SENP7: variants seen among roughly 807,000 people sequenced by gnomAD.
SENP7 encodes sentrin-specific protease 7.
A neutral mutation model predicts 141.2 loss-of-function variants in SENP7; 64 were observed. The ratio of observed to expected loss-of-function variants is 0.45; its 90% confidence interval spans 0.37 to 0.56. The LOEUF is 0.56. SENP7 is among the 20% of genes least tolerant of loss of function. SENP7 has a pLI of 0.00. For synonymous variants in SENP7, 382 were observed against 426.4 expected, an observed-to-expected ratio of 0.90 and a Z score of 1.28; for missense variants, 1,025 against 1,212.2, an observed-to-expected ratio of 0.85 and a Z score of 2.29.
At chr3:101,413,273 T>G (rs998572160) in intron 5 of SENP7, among the ~76,000 whole-genome samples, 3 of 152,148 alleles carry the variant, frequency 2.0e-5, no homozygotes, top group African/African-American at 7.2e-5. Context: ...GAAAAAAGCC[T>G]AAGTCTCCTA....
At chr3:101,354,802 A>G (rs1253223224) in intron 11 of SENP7, among the ~76,000 whole-genome samples, 1 of 152,136 alleles carries the variant, frequency 6.6e-6, no homozygotes, top group Non-Finnish European at 1.5e-5. Flanking sequence ...TAGCTCTTTG[A>G]GGGATCGCCA....
chr3:101,463,947 C>T (rs758508729), intron 3 of SENP7, among the ~76,000 whole-genome samples: 1 of 152,120 alleles, frequency 6.6e-6, no homozygotes, highest in African/African-American at 2.4e-5. Flanking sequence ...GCCTCAGCCT[C>T]CCAAGTAGTT....
At chr3:101,377,514 T>C (rs1192739577) in intron 6 of SENP7, among the ~76,000 whole-genome samples, 1 of 152,180 alleles carries the variant, frequency 6.6e-6, no homozygotes, top group Non-Finnish European at 1.5e-5. Context: ...TTTGTGAGTT[T>C]TATCTCCAGG....
At chr3:101,361,994 G>A (rs1051277246) in intron 10 of SENP7, 133 bp from the exon 11 acceptor site, 10 of 953,732 alleles carry the variant, frequency 1.0e-5, no homozygotes, top group Non-Finnish European at 4.3e-6. Context: ...TGTTCTTACT[G>A]TGAAGAAATA....
At chr3:101,451,366 T>A (rs1177587472) in intron 4 of SENP7, among the ~76,000 whole-genome samples, 1 of 152,216 alleles carries the variant, frequency 6.6e-6, no homozygotes, top group Non-Finnish European at 1.5e-5. Flanking sequence ...ACTCATTTTA[T>A]GAGGCCAGCA....
At chr3:101,376,324 G>A (rs2060327799) in intron 6 of SENP7, among the ~76,000 whole-genome samples, 1 of 152,062 alleles carries the variant, frequency 6.6e-6, no homozygotes, top group Non-Finnish European at 1.5e-5. Context: ...GCAGTGAACT[G>A]TACACTTAAA....
At chr3:101,387,003 T>G (rs1220272131) in intron 6 of SENP7, among the ~76,000 whole-genome samples, 1 of 152,154 alleles carries the variant, frequency 6.6e-6, no homozygotes, top group Non-Finnish European at 1.5e-5. Context: ...TGGGAATCAA[T>G]GGACCCTAAC....
chr3:101,347,937 C>CAGAAGA lies in SENP7; in HGVS notation c.1766_1771dup (p.Phe589_Phe590dup). ...CTCTTGAAGATAATCTGAAGAGACC[C>CAGAAGA]AGAAGAAAAGAATAGCATGACTCCT... is the stretch of plus-strand genomic sequence containing the variant. On this transcript the variant is annotated inframe_insertion, in exon 13 of 24. Coordinates refer to ENST00000394095, the MANE Select transcript of SENP7 (RefSeq NM_020654.5). 1 of 1,609,660 alleles carries CAGAAGA rather than the reference C, an allele frequency of 6.2e-7. No homozygotes were observed. The highest frequency in any genetic ancestry group is 8.5e-7 in the Non-Finnish European group (1 of 1,177,076).
At chr3:101,423,947 G>A (rs2061867278) in intron 4 of SENP7, among the ~76,000 whole-genome samples, 1 of 152,188 alleles carries the variant, frequency 6.6e-6, no homozygotes, top group Non-Finnish European at 1.5e-5. Context: ...CAGCTGATGT[G>A]GAGCCCAGAA....
chr3:101,356,078 T>A (rs935392224), intron 11 of SENP7, among the ~76,000 whole-genome samples: 21 of 152,244 alleles, frequency 1.4e-4, no homozygotes, highest in Admixed American at 1.2e-3. Context: ...TACATAAAAG[T>A]ACAATTAGTA....
At chr3:101,466,170 T>C (rs1033652472) in intron 3 of SENP7, among the ~76,000 whole-genome samples, 1 of 150,432 alleles carries the variant, frequency 6.6e-6, no homozygotes, top group African/African-American at 2.4e-5. Flanking sequence ...ATTATGGGAG[T>C]TTCAGAAGAA....
Position 101,351,600 on chromosome 3 carries a change from A to T in SENP7, c.1657+18T>A. 1 of 1,343,940 alleles carries T rather than the reference A, an allele frequency of 7.4e-7. No individual in the cohort carries two copies. Among genetic ancestry groups the T allele is most frequent in the Non-Finnish European group, 9.8e-7 (1 of 1,019,208 alleles). The allele number at this position is 1,343,940 out of a possible 1,614,324, so 83.3% of individuals were successfully genotyped here. A position where few individuals can be genotyped will look rare whatever the true frequency, so the allele number is the denominator to read the frequency against. On this transcript the variant is annotated intron_variant, in intron 12 of 23. Transcript: ENST00000394095. ...AACTATAGTAAAAAGACAAGTTCAT[A>T]AGAGAATGATAACTTACCTTGAAAT... is the stretch of plus-strand genomic sequence containing the variant.
intron 7 of SENP7, among the ~76,000 whole-genome samples, chr3:101,371,634 G>A (rs1045276044): frequency 2.0e-5 from 3 of 152,010 alleles, no homozygotes; most frequent in African/African-American, 7.3e-5. Flanking sequence ...AATGAATAGA[G>A]AATGTATTTC....
intron 16 of SENP7, among the ~76,000 whole-genome samples, chr3:101,339,032 A>G (rs2059261500): frequency 6.6e-6 from 1 of 152,240 alleles, no homozygotes; most frequent in Non-Finnish European, 1.5e-5. Flanking sequence ...AATTGAACCC[A>G]GAACTGACAG....
At chr3:101,462,974 A>G (rs1458533323) in intron 3 of SENP7, among the ~76,000 whole-genome samples, 1 of 152,218 alleles carries the variant, frequency 6.6e-6, no homozygotes, top group African/African-American at 2.4e-5. Context: ...AAGAAATAAA[A>G]CAGCTACAGA....
chr3:101,375,542 CCAAAAAAAAA>C (rs1264340171), intron 6 of SENP7, among the ~76,000 whole-genome samples: 6 of 25,512 alleles, frequency 2.4e-4, no homozygotes, highest in African/African-American at 5.6e-4. Context: ...AATTCCATCT[CCAAAAAAAAA>C]AAAAAAAAAA....
chr3:101,374,593 C>A (rs1031701728), intron 6 of SENP7, among the ~76,000 whole-genome samples: 1 of 125,512 alleles, frequency 8.0e-6, no homozygotes, highest in African/African-American at 2.8e-5. Context: ...TGGGGTTTCA[C>A]CCCACCCACA....
intron 12 of SENP7, among the ~76,000 whole-genome samples, chr3:101,348,649 A>C (rs1386383492): frequency 6.6e-6 from 1 of 152,158 alleles, no homozygotes; most frequent in Non-Finnish European, 1.5e-5. Flanking sequence ...GAGGTTCTGA[A>C]TGGTCTAAGG....
chr3:101,499,535 A>ATTTTTTTTT (rs55855998), intron 2 of SENP7, among the ~76,000 whole-genome samples: 53 of 138,724 alleles, frequency 3.8e-4, no homozygotes, highest in African/African-American at 5.4e-4. Flanking sequence ...TGCCCAGCTA[A>ATTTTTTTTT]TTTTTTTTTT....
Sources: allele counts gnomAD v4.1 joint callset (sites outside exome capture counted in the v4.1 genomes callset), GRCh38; gene constraint gnomAD v4.1.1; transcripts MANE v1.5; gene names NCBI Gene and HGNC (gene_info 2026-07-23, HGNC 2026-07-21).